The following BMI1 variants were observed in gnomAD, a reference collection of about 807,000 sequenced individuals.
BMI1 encodes the protein BMI1 proto-oncogene, polycomb ring finger, also known as polycomb complex protein BMI-1.
BMI1 carries 9 observed loss-of-function variants against 39.1 expected under a neutral mutation model. The ratio of observed to expected loss-of-function variants is 0.23; its 90% CI spans 0.14 to 0.40. The LOEUF (loss-of-function observed/expected upper bound fraction) is 0.40. BMI1 is among the 10% of genes least tolerant of loss of function. The pLI is 1.00. For missense variants in BMI1, 252 were observed against 390.8 expected, an observed-to-expected ratio of 0.64 and a Z score of 2.99; for synonymous variants, 131 against 127.9, an observed-to-expected ratio of 1.02 and a Z score of -0.16.
intron 1 of BMI1, among the ~76,000 whole-genome samples, chr10:22,326,229 T>C (rs1320257836): frequency 6.6e-6 from 1 of 151,808 alleles, no homozygotes; most frequent in African/African-American, 2.4e-5. Flanking sequence ...AGACCAGAAG[T>C]AATGTTAGTT....
At chr10:22,327,837 C>T in intron 5 of BMI1, 45 bp downstream of exon 5, 1 of 1,610,048 alleles carries the variant, frequency 6.2e-7, no homozygotes. Flanking sequence ...GGGGGGAGAG[C>T]TTATCTAGGA....
At chr10:22,327,453 GTTT>G in intron 3 of BMI1, 139 bp from the exon 4 acceptor site, 1 of 861,284 alleles carries the variant, frequency 1.2e-6, no homozygotes, top group Non-Finnish European at 1.7e-6. Context: ...TATTCTCATA[GTTT>G]TTATCTTATC....
chr10:22,331,523 T>A (rs1836281571), downstream of BMI1: 1 of 151,694 alleles, frequency 6.6e-6, no homozygotes, highest in Non-Finnish European at 1.5e-5. Context: ...CTTAAGTTTT[T>A]CATGATGTTT....
rs1836000517 is a variant in BMI1 at position 22,321,612 on chromosome 10, C to T, written c.-104C>T. The T allele has an allele frequency of 6.6e-6, 1 of 152,586 alleles. No homozygotes were observed. The highest frequency in any genetic ancestry group is 1.5e-5 in the Non-Finnish European group (1 of 68,064). 9.5% of individuals were successfully genotyped at this position (152,586 alleles called of 1,614,324 possible). A position where few individuals can be genotyped will look rare whatever the true frequency, so the allele number is the denominator to read the frequency against. On this transcript the variant is annotated 5_prime_UTR_variant, in exon 1 of 10. Coordinates refer to ENST00000376663, the MANE Select transcript of BMI1 (RefSeq NM_005180.9). ...CTCGCTTCAAGATGGCCGCTTGGCT[C>T]GCATTCATTTTCTGCTGAACGACTT...
intron 1 of BMI1, among the ~76,000 whole-genome samples, chr10:22,321,955 C>T (rs1487898616): frequency 6.9e-6 from 1 of 145,216 alleles, no homozygotes; most frequent in African/African-American, 2.5e-5. Context: ...GGGACCGACC[C>T]GCAGCCCGCG....
chr10:22,325,220 A>G (rs1836104788), intron 1 of BMI1, among the ~76,000 whole-genome samples: 1 of 152,212 alleles, frequency 6.6e-6, no homozygotes, highest in African/African-American at 2.4e-5. Context: ...GAAGTTTTAA[A>G]GAGGTTCGGT....
chr10:22,328,913 A>G (rs978291517), intron 8 of BMI1, 135 bp from the exon 9 acceptor site: 4 of 1,071,498 alleles, frequency 3.7e-6, no homozygotes, highest in Non-Finnish European at 3.9e-6. Context: ...TTCTCATTTG[A>G]AGTTTCAGGA....
In BMI1 at chr10:22,329,296, T is replaced by C. The variant is rs768622895; in HGVS notation, c.735T>C (p.Asn245=). ...KISHQRDGLT[N]AGELESDSGS... ...GTCACCAGAGAGATGGACTGACAAA[T>C]GCTGGAGAACTGGAAAGTGACTCTG... The change falls in exon 10 of 10, where the codon AAT becomes AAC. Residue 245 remains asparagine, a synonymous_variant. Transcript: ENST00000376663. 6.2e-7 allele frequency: 1 copy of C among 1,614,208 alleles called. No individual in the cohort carries two copies. Among genetic ancestry groups the C allele is most frequent in the Non-Finnish European group, 8.5e-7 (1 of 1,180,038 alleles).
intron 3 of BMI1, 114 bp downstream of exon 3, chr10:22,327,100 AT>A: frequency 8.4e-7 from 1 of 1,193,432 alleles, no homozygotes; most frequent in Middle Eastern, 2.7e-4. Context: ...CATAACTAAT[AT>A]GTGTGTGCTT....
chr10:22,326,678 G>A, intron 2 of BMI1, 117 bp downstream of exon 2: 3 of 1,482,872 alleles, frequency 2.0e-6, no homozygotes, highest in Non-Finnish European at 2.7e-6. Context: ...AAGTGGTGAA[G>A]GCATTTTCTT....
chr10:22,323,900 C>G (rs1836068730), intron 1 of BMI1, among the ~76,000 whole-genome samples: 2 of 152,322 alleles, frequency 1.3e-5, no homozygotes, highest in Middle Eastern at 6.8e-3. Context: ...CATTAGGTTG[C>G]CACTACTTTC....
chr10:22,327,187 G>A (rs1718801590), intron 3 of BMI1, among the ~76,000 whole-genome samples: 1 of 152,160 alleles, frequency 6.6e-6, no homozygotes, highest in African/African-American at 2.4e-5. Flanking sequence ...GTATTCAAGT[G>A]ATTTTAAGAT....
In BMI1 at chr10:22,329,401, G is replaced by C; in HGVS notation, c.840G>C (p.Gln280His). The change falls in exon 10 of 10, where the codon CAG (glutamine) becomes CAC (histidine). Residue 280 changes from glutamine (Q) to histidine (H), a missense_variant. Physicochemically the swap from Gln to His is conservative, Grantham distance 24. This residue lies in a region of BMI1 where 96 missense variants were observed against 120.2 expected (regional missense o/e 0.80). Coordinates refer to ENST00000376663, the MANE Select transcript of BMI1 (RefSeq NM_005180.9). ...TGCCTAGCCCCAGTACTCCAGTGCA[G>C]TCTCCTCATCCACAGTTTCCTCACA... ...SCLPSPSTPV[Q>H]SPHPQFPHIS... is the part of the protein sequence containing the mutation. 1 of 1,614,168 alleles carries C rather than the reference G, an allele frequency of 6.2e-7. No homozygotes were observed. Among genetic ancestry groups the C allele is most frequent in the East Asian group, 2.2e-5 (1 of 44,888 alleles).
Position 22,329,401 on chromosome 10 carries a change from G to A in BMI1, c.840G>A (p.Gln280=). ...SCLPSPSTPV[Q]SPHPQFPHIS... ...TGCCTAGCCCCAGTACTCCAGTGCA[G>A]TCTCCTCATCCACAGTTTCCTCACA... The change falls in exon 10 of 10, where the codon CAG becomes CAA. Residue 280 remains glutamine (Q), a synonymous_variant. Coordinates refer to ENST00000376663, the MANE Select transcript of BMI1 (RefSeq NM_005180.9). 1.9e-6 allele frequency: 3 copies of A among 1,614,168 alleles called. No homozygotes were observed. The highest frequency in any genetic ancestry group is 1.7e-6 in the Non-Finnish European group (2 of 1,180,030).
At position 22,328,074 on chromosome 10, in the gene BMI1, A is replaced by C; in HGVS notation, c.425+16A>C. 1 of 1,595,892 alleles carries C rather than the reference A, an allele frequency of 6.3e-7. No homozygotes were observed. On this transcript the variant is annotated intron_variant, in intron 6 of 9. Transcript: ENST00000376663. ...ACCAGAACAGGTAAAATCTTTAGGC[A>C]ATTTATTTTATGCTAATGTTTTATT...
chr10:22,322,171 G>A (rs1328513649), intron 1 of BMI1: 2 of 152,182 alleles, frequency 1.3e-5, no homozygotes, highest in Admixed American at 1.3e-4. Context: ...TTGTTGAGAG[G>A]TAGATTTGGA....
rs547127290 is a variant in BMI1 at position 22,324,312 on chromosome 10, T to C, written c.-19-2119T>C. 3.9e-5 allele frequency among the ~76,000 whole-genome samples: 6 copies of C among 152,366 alleles called. No homozygotes were observed. The East Asian group carries it at 1.2e-3, about 29-fold the overall frequency. On this transcript the variant is annotated intron_variant, in intron 1 of 9. Transcript: ENST00000376663. ...TCTTTCTAGGAAAGATCCTGTGGTTTCACAAGGAGAATTTTCTTTAAGCAC... is the reference window on the plus strand; with the variant it reads ...TCTTTCTAGGAAAGATCCTGTGGTTCCACAAGGAGAATTTTCTTTAAGCAC...
Position 22,326,562 on chromosome 10 carries a change from G to GT in BMI1, c.112+2dup, listed in dbSNP as rs750985084. 7.4e-6 allele frequency: 12 copies of GT among 1,612,588 alleles called. No individual in the cohort carries two copies. Among genetic ancestry groups the GT allele is most frequent in the Non-Finnish European group, 1.0e-5 (12 of 1,179,540 alleles). ...ACCATAATAGAATGTCTACATTCCT[G>GT]TAAGTACCGAGCTTTAGCTCTCTTT... On this transcript the variant is annotated splice_donor_variant, in intron 2 of 9. Transcript: ENST00000376663. LOFTEE classifies it high-confidence loss of function.
At position 22,329,784 on chromosome 10, in the gene BMI1, G is replaced by T. The variant is rs1356666868; in HGVS notation, c.*242G>T. 9 of 497,154 alleles carry T rather than the reference G, an allele frequency of 1.8e-5. No individual in the cohort carries two copies. Among genetic ancestry groups the T allele is most frequent in the Non-Finnish European group, 3.1e-5 (9 of 286,066 alleles). 30.8% of individuals were successfully genotyped at this position (497,154 alleles called of 1,614,324 possible). A position where few individuals can be genotyped will look rare whatever the true frequency, so the allele number is the denominator to read the frequency against. ...GGAAAGCAGGCAAGACTTTTTCTCT[G>T]TGTTAGGAAAGATGGGAAATGGTTT... On this transcript the variant is annotated 3_prime_UTR_variant, in exon 10 of 10. Transcript: ENST00000376663.
Sources: allele counts gnomAD v4.1 joint callset (sites outside exome capture counted in the v4.1 genomes callset), GRCh38; gene constraint gnomAD v4.1.1; regional missense constraint gnomAD v4.1.1; transcripts MANE v1.5; gene names NCBI Gene and HGNC (gene_info 2026-07-23, HGNC 2026-07-21).